LTBP1: variants seen among roughly 807,000 people sequenced by gnomAD.
The protein encoded by LTBP1 is latent transforming growth factor beta binding protein 1.
Under a neutral mutation model 207.6 loss-of-function variants are expected in LTBP1, and 129 were observed. The observed-to-expected ratio is 0.62, with a 90% CI of 0.54 to 0.72. LTBP1 has a LOEUF of 0.72. LTBP1 is among the 30% of genes least tolerant of loss of function. The pLI is 0.00. For missense variants in LTBP1, 2,281 were observed against 2,217.2 expected, an observed-to-expected ratio of 1.03 and a Z score of -0.58; for synonymous variants, 963 against 833.7, an observed-to-expected ratio of 1.16 and a Z score of -2.67.
intron 31 of LTBP1, among the ~76,000 whole-genome samples, chr2:33,374,866 C>T (rs772705401): frequency 2.0e-5 from 3 of 152,116 alleles, no homozygotes; most frequent in East Asian, 1.9e-4. Context: ...GCAGAAGAAT[C>T]GCTTGAACCC....
intron 6 of LTBP1, among the ~76,000 whole-genome samples, chr2:33,188,085 AT>A (rs2087396758): frequency 1.3e-5 from 2 of 152,212 alleles, no homozygotes; most frequent in Non-Finnish European, 2.9e-5. Context: ...TTAAAAACAT[AT>A]AAATTCAGGC....
At chr2:33,131,842 A>G (rs1434433001) in intron 4 of LTBP1, among the ~76,000 whole-genome samples, 1 of 151,922 alleles carries the variant, frequency 6.6e-6, no homozygotes, top group Non-Finnish European at 1.5e-5. Context: ...GCCAAAAGAA[A>G]TTTTTTTTTG....
At chr2:33,193,946 T>G (rs2088231626) in intron 7 of LTBP1, among the ~76,000 whole-genome samples, 1 of 152,134 alleles carries the variant, frequency 6.6e-6, no homozygotes, top group Non-Finnish European at 1.5e-5. Context: ...AATGTTCAAG[T>G]GGAAGAAGGA....
At chr2:33,052,112 A>G (rs2076773882) in intron 3 of LTBP1, among the ~76,000 whole-genome samples, 1 of 152,200 alleles carries the variant, frequency 6.6e-6, no homozygotes, top group African/African-American at 2.4e-5. Context: ...ACTTCGATGT[A>G]CTTTCCTGTC....
intron 18 of LTBP1, among the ~76,000 whole-genome samples, chr2:33,279,324 A>G (rs2093510317): frequency 6.6e-6 from 1 of 152,146 alleles, no homozygotes; most frequent in African/African-American, 2.4e-5. Flanking sequence ...TTATCTCCTC[A>G]CAGACTTAAC....
chr2:33,250,228 AC>A (rs958919579), intron 10 of LTBP1, among the ~76,000 whole-genome samples: 8 of 152,340 alleles, frequency 5.3e-5, no homozygotes, highest in South Asian at 2.1e-4. Flanking sequence ...TAAATGGCAC[AC>A]CCTGTCAGGT....
chr2:33,301,150 A>G (rs1250367298), intron 21 of LTBP1, among the ~76,000 whole-genome samples: 1 of 152,192 alleles, frequency 6.6e-6, no homozygotes, highest in East Asian at 1.9e-4. Flanking sequence ...ATTTCATTGA[A>G]TTGCACACAG....
chr2:32,970,820 G>A (rs555346620), intron 2 of LTBP1, among the ~76,000 whole-genome samples: 26 of 151,860 alleles, frequency 1.7e-4, no homozygotes, highest in African/African-American at 6.3e-4. Context: ...GTTGATAATA[G>A]CATTGAACCT....
At chr2:33,043,071 G>T (rs2076267987) in intron 3 of LTBP1, among the ~76,000 whole-genome samples, 2 of 152,156 alleles carry the variant, frequency 1.3e-5, no homozygotes, top group South Asian at 4.1e-4. Flanking sequence ...CCTCAGGGAG[G>T]CCTATAATCC....
intron 4 of LTBP1, among the ~76,000 whole-genome samples, chr2:33,132,284 A>G (rs1366327643): frequency 6.6e-6 from 1 of 152,220 alleles, no homozygotes; most frequent in East Asian, 1.9e-4. Flanking sequence ...AAATCAAACT[A>G]GGTGAATTTT....
At chr2:33,235,668 G>A (rs1172266161) in intron 9 of LTBP1, among the ~76,000 whole-genome samples, 1 of 152,150 alleles carries the variant, frequency 6.6e-6, no homozygotes, top group Non-Finnish European at 1.5e-5. Context: ...GCCCATCAAT[G>A]ATAGACTGGA....
rs191459028 is a variant in LTBP1 at position 33,032,165 on chromosome 2, C to T, written c.863+10959C>T. Among the ~76,000 whole-genome samples the T allele has an allele frequency of 3.6e-3, 553 of 152,232 alleles. 3 individuals are homozygous for T. The highest frequency in any genetic ancestry group is 0.013 in the African/African-American group (532 of 41,528). On this transcript the variant is annotated intron_variant, in intron 3 of 33. Coordinates refer to ENST00000404816, the MANE Select transcript of LTBP1 (RefSeq NM_206943.4). ...AAATGGAATGATATGTAATCTTATC[C>T]TCTTTAGGAACAGGAAAGTAGGGGA...
In LTBP1 at chr2:33,263,339, C is replaced by G; in HGVS notation, c.2564C>G (p.Pro855Arg). Residue 855 changes from proline to arginine, a missense_variant, in exon 15 of 34, where the codon CCT (proline) becomes CGT (arginine). Pro to Arg is a moderately radical substitution (Grantham distance 103). Coordinates refer to ENST00000404816, the MANE Select transcript of LTBP1 (RefSeq NM_206943.4). ...CCTCCTGTGCCTGTTGAAGTAGCTC[C>G]TGAAGCTTCTACGTCTAGTGCCAGC... ...TSPPVPVEVA[P>R]EASTSSASQV... 1.2e-6 allele frequency: 2 copies of G among 1,614,028 alleles called. No homozygotes were observed. The highest frequency in any genetic ancestry group is 1.7e-6 in the Non-Finnish European group (2 of 1,179,950).
chr2:33,391,671 G>A (rs2095315671), intron 32 of LTBP1, among the ~76,000 whole-genome samples: 1 of 152,176 alleles, frequency 6.6e-6, no homozygotes, highest in Admixed American at 6.5e-5. Context: ...CAAAATCCCA[G>A]GCACTGATGG....
chr2:33,269,520 C>G (rs1362824057), intron 15 of LTBP1, among the ~76,000 whole-genome samples: 2 of 152,156 alleles, frequency 1.3e-5, no homozygotes, highest in African/African-American at 2.4e-5. Context: ...GCCAAGAAAG[C>G]CAAGCATGCT....
chr2:33,174,898 C>A (rs2148522722), intron 5 of LTBP1, among the ~76,000 whole-genome samples: 1 of 128,084 alleles, frequency 7.8e-6, no homozygotes, highest in East Asian at 2.2e-4. Flanking sequence ...GAAAAACAAG[C>A]AATGGGGAAA....
chr2:32,998,388 C>T (rs1011274185), intron 2 of LTBP1, among the ~76,000 whole-genome samples: 114 of 151,528 alleles, frequency 7.5e-4, no homozygotes, highest in African/African-American at 2.0e-3. Context: ...TGGTGGCAGG[C>T]GCCTGTAATC....
chr2:32,971,748 G>A (rs889165955), intron 2 of LTBP1, among the ~76,000 whole-genome samples: 2 of 152,040 alleles, frequency 1.3e-5, no homozygotes, highest in African/African-American at 4.8e-5. Context: ...TTGGCCTGAA[G>A]CTTTTTTTGT....
intron 20 of LTBP1, among the ~76,000 whole-genome samples, chr2:33,294,485 C>T (rs184482308): frequency 4.6e-5 from 7 of 152,142 alleles, no homozygotes; most frequent in Admixed American, 2.0e-4. Context: ...GCGTGAGCCA[C>T]CACACCTGGC....
Sources: allele counts gnomAD v4.1 joint callset (sites outside exome capture counted in the v4.1 genomes callset), GRCh38; gene constraint gnomAD v4.1.1; transcripts MANE v1.5; gene names NCBI Gene and HGNC (gene_info 2026-07-23, HGNC 2026-07-21).